Variants in SHISA3 observed in about 807,000 individuals in gnomAD.
The protein encoded by SHISA3 is protein shisa-3 homolog.
In SHISA3, 15 loss-of-function variants were observed where a neutral mutation model predicts 19.2. The ratio of observed to expected loss-of-function variants is 0.78; its 90% CI spans 0.52 to 1.20. The LOEUF (loss-of-function observed/expected upper bound fraction) is 1.20. Among genes scored for constraint, SHISA3 ranks in the 50% most tolerant of loss-of-function variants. SHISA3 has a pLI of 0.00. For synonymous variants in SHISA3, 145 were observed against 135.2 expected (o/e 1.07, Z -0.50); for missense variants, 327 against 315.7 (o/e 1.04, Z -0.27).
At position 42,401,620 on chromosome 4, in the gene SHISA3, C is replaced by A. The variant is rs1711927082; in HGVS notation, c.*169C>A. The A allele has an allele frequency of 1.5e-6, 1 of 662,992 alleles. No homozygotes were observed. The highest frequency in any genetic ancestry group is 2.4e-6 in the Non-Finnish European group (1 of 410,800). 41.1% of individuals were successfully genotyped at this position (662,992 alleles called of 1,614,324 possible). On this transcript the variant is annotated 3_prime_UTR_variant, in exon 2 of 2. Coordinates refer to ENST00000319234, the MANE Select transcript of SHISA3 (RefSeq NM_001080505.3). The stretch of plus-strand genomic sequence containing the variant: ...TAATTTGAAAGTTCCTGTCTCCAAT[C>A]ACAGAAAGGCTAAACCAGAGAACTG...
At position 42,401,200 on chromosome 4, in the gene SHISA3, AG is replaced by A. The variant is rs1560287612; in HGVS notation, c.469del (p.Ala157HisfsTer88). 1.2e-6 allele frequency: 2 copies of A among 1,614,124 alleles called. No homozygotes were observed. The highest frequency in any genetic ancestry group is 8.5e-7 in the Non-Finnish European group (1 of 1,180,016). On this transcript the variant is annotated frameshift_variant, in exon 2 of 2. Transcript: ENST00000319234. LOFTEE classifies it high-confidence loss of function. ...LPMILTSTSP[R>X]APSRQSSTAT... Reference sequence around the variant, plus strand: ...CATGATCCTGACCTCCACCAGCCCCAGGGCACCCTCCCGGCAGTCCAGCACA... The same window carrying A: ...CATGATCCTGACCTCCACCAGCCCCAGGCACCCTCCCGGCAGTCCAGCACA...
intron 1 of SHISA3, 56 bp downstream of exon 1, chr4:42,398,389 T>G (rs1372906162): frequency 1.4e-6 from 2 of 1,469,874 alleles, no homozygotes; most frequent in Non-Finnish European, 1.8e-6. Flanking sequence ...GGCGGCTGCA[T>G]GTGTGCGCGG....
intron 1 of SHISA3, among the ~76,000 whole-genome samples, chr4:42,400,371 C>G (rs1013819219): frequency 2.6e-5 from 4 of 152,148 alleles, no homozygotes; most frequent in African/African-American, 9.7e-5. Context: ...AGAGGCACGG[C>G]AGCTGGAGTG....
intron 1 of SHISA3, 43 bp from the exon 2 acceptor site, chr4:42,400,969 A>C (rs1351695486): frequency 1.3e-6 from 2 of 1,585,754 alleles, no homozygotes; most frequent in Admixed American, 3.4e-5. Flanking sequence ...AATCTGGGAG[A>C]TCCTCATCTG....
chr4:42,401,510 C>CCAT lies in SHISA3; in HGVS notation c.*60_*62dup, dbSNP rs1711923583. ...ATGGCAGACAGGTGGAGCCCTGCTC[C>CCAT]CATTGCCACATGCAATTCTGAGAAA... On this transcript the variant is annotated 3_prime_UTR_variant, in exon 2 of 2. Transcript: ENST00000319234. 1 of 1,500,442 alleles carries CCAT rather than the reference C, an allele frequency of 6.7e-7. No homozygotes were observed. Among genetic ancestry groups the CCAT allele is most frequent in the African/African-American group, 1.4e-5 (1 of 71,294 alleles). 92.9% of individuals were successfully genotyped at this position (1,500,442 alleles called of 1,614,324 possible). A position where few individuals can be genotyped will look rare whatever the true frequency, so the allele number is the denominator to read the frequency against.
In SHISA3 at chr4:42,398,155, C is replaced by G; in HGVS notation, c.99C>G (p.Asp33Glu). Residue 33 changes from aspartate (D) to glutamate (E), a missense_variant, in exon 1 of 2, where the codon GAC (aspartate) becomes GAG (glutamate). Physicochemically the swap from Asp to Glu is conservative, Grantham distance 45. Transcript: ENST00000319234. ...GAGAGTACTGCCACGGCTGGGTGGA[C>G]GTGCAGGGCAACTACCACGAGGGCT... The part of the protein sequence containing the change: ...QSGEYCHGWV[D>E]VQGNYHEGFQ... The G allele has an allele frequency of 1.2e-6, 2 of 1,606,272 alleles. No homozygotes were observed. Among genetic ancestry groups the G allele is most frequent in the Non-Finnish European group, 1.7e-6 (2 of 1,176,950 alleles).
chr4:42,401,747 C>A lies in SHISA3; in HGVS notation c.*296C>A. 1 of 328,034 alleles carries A rather than the reference C, an allele frequency of 3.0e-6. No individual in the cohort carries two copies. The highest frequency in any genetic ancestry group is 5.6e-6 in the Non-Finnish European group (1 of 180,178). 20.3% of individuals were successfully genotyped at this position (328,034 alleles called of 1,614,324 possible). On this transcript the variant is annotated 3_prime_UTR_variant, in exon 2 of 2. Transcript: ENST00000319234. ...TTTAAAGTTGCAAACTGGCTAAAAA[C>A]GTTTTACTGGACATTCAGCTATATT...
intron 1 of SHISA3, among the ~76,000 whole-genome samples, chr4:42,399,910 AC>A (rs1352978753): frequency 1.3e-5 from 2 of 152,236 alleles, no homozygotes; most frequent in Admixed American, 1.3e-4. Context: ...AGAAGAGCTT[AC>A]GCCTAGTAGC....
At chr4:42,400,878 G>A in intron 1 of SHISA3, 134 bp from the exon 2 acceptor site, 2 of 844,842 alleles carry the variant, frequency 2.4e-6, no homozygotes, top group Non-Finnish European at 3.7e-6. Flanking sequence ...CCATTAACAA[G>A]CTCTGAAAAA....
rs375766547 is a variant in SHISA3 at position 42,398,334 on chromosome 4, G to T, written c.277+1G>T. ...CTGGAGCACCCAGGCATCACTGCGC[G>T]TAAGTGCGGGGCCCTCGGGGACATA... is the stretch of plus-strand genomic sequence containing the variant. On this transcript the variant is annotated splice_donor_variant, in intron 1 of 1. Transcript: ENST00000319234. LOFTEE classifies it high-confidence loss of function. 4 of 1,544,900 alleles carry T rather than the reference G, an allele frequency of 2.6e-6. No individual in the cohort carries two copies. Among genetic ancestry groups the T allele is most frequent in the South Asian group, 2.4e-5 (2 of 83,316 alleles).
chr4:42,401,053 A>G lies in SHISA3; in HGVS notation c.319A>G (p.Ile107Val), dbSNP rs1297722883. The change falls in exon 2 of 2, where the codon ATT becomes GTT. Residue 107 changes from isoleucine to valine, a missense_variant. Coordinates refer to ENST00000319234, the MANE Select transcript of SHISA3 (RefSeq NM_001080505.3). ...VPFLIVGSIF[I>V]AFIILGSVVA... is the part of the protein sequence containing the mutation. ...CTTTCTCATCGTCGGCTCCATCTTC[A>G]TTGCGTTCATCATCCTGGGCTCTGT... The G allele has an allele frequency of 1.2e-6, 2 of 1,614,088 alleles. No homozygotes were observed. The highest frequency in any genetic ancestry group is 1.7e-5 in the Admixed American group (1 of 60,026).
Position 42,398,174 on chromosome 4 carries a change from G to T in SHISA3, c.118G>T (p.Glu40Ter). ...GGTGGACGTGCAGGGCAACTACCAC[G>T]AGGGCTTCCAGTGCCCAGAGGACTT... The part of the protein sequence containing the change: ...GWVDVQGNYH[E>*]GFQCPEDFDT... The change falls in exon 1 of 2, where the codon GAG (glutamate) becomes TAG (stop). Residue 40 changes from glutamate (E) to a stop codon, truncating the protein, a stop_gained. Transcript: ENST00000319234. LOFTEE classifies it high-confidence loss of function. 1.9e-6 allele frequency: 3 copies of T among 1,606,954 alleles called. No homozygotes were observed. Among genetic ancestry groups the T allele is most frequent in the Non-Finnish European group, 2.5e-6 (3 of 1,177,110 alleles).
rs1290799675 is a variant in SHISA3, at chr4:42,401,645, G to A, written c.*194G>A. 5.4e-6 allele frequency: 3 copies of A among 560,122 alleles called. No homozygotes were observed. The highest frequency in any genetic ancestry group is 9.0e-6 in the Non-Finnish European group (3 of 332,044). 34.7% of individuals were successfully genotyped at this position (560,122 alleles called of 1,614,324 possible). A position where few individuals can be genotyped will look rare whatever the true frequency, so the allele number is the denominator to read the frequency against. ...CACAGAAAGGCTAAACCAGAGAACT[G>A]TTTTCTGGTTTTGCAAACATGTGAT... On this transcript the variant is annotated 3_prime_UTR_variant, in exon 2 of 2. Coordinates refer to ENST00000319234, the MANE Select transcript of SHISA3 (RefSeq NM_001080505.3).
chr4:42,402,000 A>T lies in SHISA3; in HGVS notation c.*549A>T, dbSNP rs1224772792. On this transcript the variant is annotated 3_prime_UTR_variant, in exon 2 of 2. Coordinates refer to ENST00000319234, the MANE Select transcript of SHISA3 (RefSeq NM_001080505.3). ...GCATAATGAGAACATTTACTTTTTAAATAAATAACTAAATTTTGTTTACAA... is the reference window on the plus strand; with the variant it reads ...GCATAATGAGAACATTTACTTTTTATATAAATAACTAAATTTTGTTTACAA... 6.6e-6 allele frequency: 1 copy of T among 152,294 alleles called. No homozygotes were observed. The highest frequency in any genetic ancestry group is 1.9e-4 in the East Asian group (1 of 5,208). The allele number at this position is 152,294 out of a possible 1,614,324, so 9.4% of individuals were successfully genotyped here.
Position 42,397,929 on chromosome 4 carries a change from G to T in SHISA3, c.-128G>T, listed in dbSNP as rs1711787073. The stretch of plus-strand genomic sequence containing the variant: ...TGCTATCCCACGCAGGACTGGCTTC[G>T]GCCGCCGGGGCCAGCAGCTTGCGAC... On this transcript the variant is annotated 5_prime_UTR_variant, in exon 1 of 2. Transcript: ENST00000319234. 3.2e-6 allele frequency: 3 copies of T among 943,348 alleles called. No individual in the cohort carries two copies. The highest frequency in any genetic ancestry group is 4.5e-6 in the Non-Finnish European group (3 of 661,508). 58.4% of individuals were successfully genotyped at this position (943,348 alleles called of 1,614,324 possible).
In SHISA3 at chr4:42,401,212, C is replaced by G. The variant is rs372561107; in HGVS notation, c.478C>G (p.Arg160Gly). ...CTCCACCAGCCCCAGGGCACCCTCC[C>G]GGCAGTCCAGCACAGCCACGAGCTC... The part of the protein sequence containing the change: ...LTSTSPRAPS[R>G]QSSTATSSSS... Residue 160 changes from arginine (R) to glycine (G), a missense_variant, in exon 2 of 2, where the codon CGG becomes GGG. By Grantham distance (125) the Arg-to-Gly change is moderately radical (BLOSUM62 -2). Coordinates refer to ENST00000319234, the MANE Select transcript of SHISA3 (RefSeq NM_001080505.3). The G allele has an allele frequency of 6.2e-7, 1 of 1,614,232 alleles. No individual in the cohort carries two copies. The highest frequency in any genetic ancestry group is 2.2e-5 in the East Asian group (1 of 44,884).
intron 1 of SHISA3, among the ~76,000 whole-genome samples, chr4:42,400,655 G>A (rs1366959876): frequency 1.3e-5 from 2 of 152,010 alleles, no homozygotes; most frequent in Non-Finnish European, 2.9e-5. Context: ...ACTAAAACCT[G>A]CATTTAAACC....
Position 42,398,251 on chromosome 4 carries a change from T to C in SHISA3, c.195T>C (p.Cys65=). Residue 65 remains cysteine, a synonymous_variant, in exon 1 of 2, where the codon TGT becomes TGC. Transcript: ENST00000319234. ...GCGGCTCCTGCGCGCTCCGCTACTG[T>C]TGCGCCGCGGCCGACGCCAGGCTGG... ...ICCGSCALRY[C]CAAADARLEQ... 1 of 1,574,822 alleles carries C rather than the reference T, an allele frequency of 6.3e-7. No homozygotes were observed. Among genetic ancestry groups the C allele is most frequent in the Non-Finnish European group, 8.6e-7 (1 of 1,160,694 alleles).
Position 42,401,008 on chromosome 4 carries a change from T to C in SHISA3, c.278-4T>C, listed in dbSNP as rs1711895376. On this transcript the variant is annotated splice_polypyrimidine_tract_variant and splice_region_variant and intron_variant, in intron 1 of 1. Coordinates refer to ENST00000319234, the MANE Select transcript of SHISA3 (RefSeq NM_001080505.3). ...ATCTGTTTATGTCTGTTTTTGCCTT[T>C]TAGAGCCTGTCTACGTCCCCTTTCT... 6.2e-7 allele frequency: 1 copy of C among 1,613,004 alleles called. No homozygotes were observed. The highest frequency in any genetic ancestry group is 1.7e-5 in the Admixed American group (1 of 59,944).
Sources: gnomAD v4.1 joint callset for allele counts (sites outside exome capture counted in the v4.1 genomes callset) on GRCh38, gnomAD v4.1.1 for gene constraint, MANE v1.5 for transcripts, NCBI Gene and HGNC (gene_info 2026-07-23, HGNC 2026-07-21) for gene names.